Variants in PTPN6 observed in about 807,000 individuals in gnomAD.
PTPN6 encodes the protein tyrosine-protein phosphatase non-receptor type 6.
Under a neutral mutation model 81.5 loss-of-function variants are expected in PTPN6, and 18 were observed. The ratio of observed to expected loss-of-function variants is 0.22; its 90% CI spans 0.15 to 0.33. The LOEUF is 0.33. Among genes scored for constraint, PTPN6 ranks in the 10% least tolerant of loss-of-function variants. The pLI, the probability that PTPN6 is intolerant of heterozygous loss-of-function variation, is 1.00. For missense variants in PTPN6, 500 were observed against 794.2 expected, an observed-to-expected ratio of 0.63 and a Z score of 4.45; for synonymous variants, 301 against 310.9, an observed-to-expected ratio of 0.97 and a Z score of 0.33.
At chr12:6,961,021 G>T in intron 15 of PTPN6, 76 bp downstream of exon 15, 1 of 1,541,764 alleles carries the variant, frequency 6.5e-7, no homozygotes, top group Non-Finnish European at 8.8e-7. Flanking sequence ...TGGGTGGATG[G>T]GGTGGCCGCA....
At position 6,952,097 on chromosome 12, in the gene PTPN6, G is replaced by A; in HGVS notation, c.246G>A (p.Gln82=). The A allele has an allele frequency of 1.2e-6, 2 of 1,614,166 alleles. No individual in the cohort carries two copies. The change falls in exon 3 of 16, where the codon CAG becomes CAA. Residue 82 remains glutamine (Q), a synonymous_variant. Transcript: ENST00000318974. The surrounding 1 kb of genome is among the most constrained non-coding windows in gnomAD (Gnocchi z 8.1). ...LTELVEYYTQ[Q]QGVLQDRDGT... ...AGCTGGTGGAGTACTACACTCAGCA[G>A]CAGGGTGTCCTGCAGGACCGCGACG...
chr12:6,960,283 A>G lies in PTPN6; in HGVS notation c.1581+44A>G. Reference sequence around the variant, plus strand: ...CTGGGGGGGGGGGGGGCTGCAGTGCAGGATGGGTGCCACCTGGCCCTGCTG... The same window carrying G: ...CTGGGGGGGGGGGGGGCTGCAGTGCGGGATGGGTGCCACCTGGCCCTGCTG... On this transcript the variant is annotated intron_variant, in intron 13 of 15. Transcript: ENST00000318974. The surrounding 1 kb of genome is among the most constrained non-coding windows in gnomAD (Gnocchi z 6.1). 1 of 1,606,022 alleles carries G rather than the reference A, an allele frequency of 6.2e-7. No homozygotes were observed.
upstream of PTPN6, chr12:6,951,260 T>C (rs1555147650): frequency 7.0e-7 from 1 of 1,438,738 alleles, no homozygotes; most frequent in African/African-American, 1.4e-5. The surrounding 1 kb of genome is among the most constrained non-coding windows in gnomAD (Gnocchi z 7.2). Flanking sequence ...CTGCTTCTCT[T>C]CCCTTGCTGT....
upstream of PTPN6, among the ~76,000 whole-genome samples, chr12:6,949,331 C>A (rs1406210825): frequency 6.6e-6 from 1 of 152,204 alleles, no homozygotes; most frequent in East Asian, 1.9e-4. Context: ...CACCTCTTTG[C>A]CCTGACCCAT....
Position 6,955,268 on chromosome 12 carries a change from G to A in PTPN6, c.633+1G>A. ...AGGCGCCTTTGTCTACCTGCGGCAG[G>A]TCAGGGGTGGGCCCAGCTGCCTCCC... On this transcript the variant is annotated splice_donor_variant, in intron 5 of 15. Transcript: ENST00000318974. LOFTEE classifies it high-confidence loss of function. The surrounding 1 kb of genome is among the most constrained non-coding windows in gnomAD (Gnocchi z 7.2). The A allele has an allele frequency of 6.2e-7, 1 of 1,613,956 alleles. No individual in the cohort carries two copies. The highest frequency in any genetic ancestry group is 8.5e-7 in the Non-Finnish European group (1 of 1,179,810).
chr12:6,950,718 G>T (rs1202538267), upstream of PTPN6, among the ~76,000 whole-genome samples: 2 of 152,172 alleles, frequency 1.3e-5, no homozygotes, highest in African/African-American at 4.8e-5. Flanking sequence ...GGACAAGGAG[G>T]CTCTTAATCT....
Position 6,960,722 on chromosome 12 carries a change from G to A in PTPN6, c.1674-84G>A, listed in dbSNP as rs2138287186. ...TCACCTGTGAGACGGGGTGGCCAGA[G>A]GGGACTGCCAGTGCCGGGTCCCCCT... On this transcript the variant is annotated intron_variant, in intron 14 of 15. Transcript: ENST00000318974. This position sits in a 1 kb window ranked among gnomAD's most constrained non-coding sequence, Gnocchi z 6.1. The A allele has an allele frequency of 6.4e-7, 1 of 1,551,606 alleles. No homozygotes were observed. The highest frequency in any genetic ancestry group is 8.7e-7 in the Non-Finnish European group (1 of 1,146,988).
chr12:6,957,739 C>G lies in PTPN6; in HGVS notation c.1160C>G (p.Thr387Arg). ...YSVTNCGEHDTTEYKLRTLQV... is the reference protein window; with the variant it reads ...YSVTNCGEHDRTEYKLRTLQV... ...GTGACCAACTGCGGGGAGCATGACA[C>G]AACCGAATACAAACTCCGTACCTTA... Residue 387 changes from threonine (T) to arginine (R), a missense_variant, in exon 10 of 16, where the codon ACA becomes AGA. Physicochemically the swap from Thr to Arg is moderately conservative, Grantham distance 71. Transcript: ENST00000318974. The surrounding 1 kb of genome is among the most constrained non-coding windows in gnomAD (Gnocchi z 6.5). The G allele has an allele frequency of 2.5e-6, 4 of 1,614,160 alleles. No individual in the cohort carries two copies. Among genetic ancestry groups the G allele is most frequent in the Non-Finnish European group, 3.4e-6 (4 of 1,180,018 alleles).
chr12:6,955,842 G>A lies in PTPN6; in HGVS notation c.844+86G>A, dbSNP rs957604310. On this transcript the variant is annotated intron_variant, in intron 7 of 15. Transcript: ENST00000318974. This position sits in a 1 kb window ranked among gnomAD's most constrained non-coding sequence, Gnocchi z 7.2. ...CATCTCACAGGTCTCCACCCTCCACGCCAGGAGGGGCCATCTCCCCACACC... is the reference window on the plus strand; with the variant it reads ...CATCTCACAGGTCTCCACCCTCCACACCAGGAGGGGCCATCTCCCCACACC... The A allele has an allele frequency of 1.7e-5, 21 of 1,240,814 alleles. No homozygotes were observed. In the East Asian group the frequency reaches 3.5e-4, roughly 21 times the overall value. 76.9% of individuals were successfully genotyped at this position (1,240,814 alleles called of 1,614,324 possible).
Position 6,960,213 on chromosome 12 carries a change from A to G in PTPN6, c.1555A>G (p.Thr519Ala). ...YVAIAQFIET[T>A]KKKLEVLQSQ... ...GGCCATCGCCCAGTTCATTGAAACC[A>G]CTAAGAAGAAGCTGGAGGTCCTGCA... The change falls in exon 13 of 16, where the codon ACT becomes GCT. Residue 519 changes from threonine (T) to alanine (A), a missense_variant. Transcript: ENST00000318974. This position sits in a 1 kb window ranked among gnomAD's most constrained non-coding sequence, Gnocchi z 6.1. The G allele has an allele frequency of 6.3e-7, 1 of 1,594,116 alleles. No individual in the cohort carries two copies. The highest frequency in any genetic ancestry group is 8.5e-7 in the Non-Finnish European group (1 of 1,170,860).
In PTPN6 at chr12:6,954,796, C is replaced by A; in HGVS notation, c.327-9C>A. ...TGGGTCTTACCTTCCCTGACGCTGC[C>A]TTCTCTAGGTGGTACCATGGCCACA... is the stretch of plus-strand genomic sequence containing the variant. On this transcript the variant is annotated splice_polypyrimidine_tract_variant and intron_variant, in intron 3 of 15. Coordinates refer to ENST00000318974, the MANE Select transcript of PTPN6 (RefSeq NM_002831.6). This position sits in a 1 kb window ranked among gnomAD's most constrained non-coding sequence, Gnocchi z 5.4. The A allele has an allele frequency of 6.2e-7, 1 of 1,613,342 alleles. No homozygotes were observed. The highest frequency in any genetic ancestry group is 1.1e-5 in the South Asian group (1 of 91,058).
upstream of PTPN6, chr12:6,951,353 G>A: frequency 6.5e-7 from 1 of 1,536,164 alleles, no homozygotes; most frequent in South Asian, 1.2e-5. The surrounding 1 kb of genome is among the most constrained non-coding windows in gnomAD (Gnocchi z 7.2). Context: ...GCTGCCCCAG[G>A]CCAGTGGAGT....
upstream of PTPN6, among the ~76,000 whole-genome samples, chr12:6,948,024 G>A (rs752774729): frequency 2.6e-5 from 4 of 152,048 alleles, no homozygotes; most frequent in South Asian, 4.2e-4. Context: ...GGTGGCGCAC[G>A]TCTGTGATCC....
In PTPN6 at chr12:6,951,620, G is replaced by A. The variant is rs769682837; in HGVS notation, c.20G>A (p.Arg7Gln). Residue 7 changes from arginine (R) to glutamine (Q), a missense_variant, in exon 2 of 16, where the codon CGA becomes CAA. Physicochemically the swap from Arg to Gln is conservative, Grantham distance 43. Transcript: ENST00000318974. This position sits in a 1 kb window ranked among gnomAD's most constrained non-coding sequence, Gnocchi z 7.2. The part of the protein sequence containing the change: MVRWFH[R>Q]DLSGLDAETL... ...CCTGGGCCGCCCAGGTGGTTTCACC[G>A]AGACCTCAGTGGGCTGGATGCAGAG... 4 of 1,613,832 alleles carry A rather than the reference G, an allele frequency of 2.5e-6. No homozygotes were observed. Among genetic ancestry groups the A allele is most frequent in the Non-Finnish European group, 3.4e-6 (4 of 1,179,958 alleles).
Position 6,954,048 on chromosome 12 carries a change from T to A in PTPN6, c.327-757T>A, listed in dbSNP as rs1248795142. 1.3e-5 allele frequency among the ~76,000 whole-genome samples: 2 copies of A among 152,210 alleles called. No individual in the cohort carries two copies. Among genetic ancestry groups the A allele is most frequent in the African/African-American group, 4.8e-5 (2 of 41,452 alleles). On this transcript the variant is annotated intron_variant, in intron 3 of 15. Coordinates refer to ENST00000318974, the MANE Select transcript of PTPN6 (RefSeq NM_002831.6). This position sits in a 1 kb window ranked among gnomAD's most constrained non-coding sequence, Gnocchi z 5.4. ...GCTTTGTGGGGCTACAGTTTCCTCC[T>A]GGGAAAGGGGTGTGCTTCGGGGAAA...
chr12:6,955,577 C>G lies in PTPN6; in HGVS notation c.748-83C>G. 6.4e-7 allele frequency: 1 copy of G among 1,562,498 alleles called. No individual in the cohort carries two copies. The highest frequency in any genetic ancestry group is 1.1e-5 in the South Asian group (1 of 90,042). On this transcript the variant is annotated intron_variant, in intron 6 of 15. Coordinates refer to ENST00000318974, the MANE Select transcript of PTPN6 (RefSeq NM_002831.6). This position sits in a 1 kb window ranked among gnomAD's most constrained non-coding sequence, Gnocchi z 7.2. ...GACACCTTCCCCTCCTTGCCCACCTCTGCTCCTGACCCACCCCACGTGAGC... is the reference window on the plus strand; with the variant it reads ...GACACCTTCCCCTCCTTGCCCACCTGTGCTCCTGACCCACCCCACGTGAGC...
At position 6,959,276 on chromosome 12, in the gene PTPN6, G is replaced by T. The variant is rs1946086235; in HGVS notation, c.1362-651G>T. ...TTTATTTAGACGTTACAGGAAGGAA[G>T]TGGGTGTGGGGGGTTATTTTTGACA... On this transcript the variant is annotated intron_variant, in intron 11 of 15. Coordinates refer to ENST00000318974, the MANE Select transcript of PTPN6 (RefSeq NM_002831.6). The surrounding 1 kb of genome is among the most constrained non-coding windows in gnomAD (Gnocchi z 6.6). 6.3e-6 allele frequency: 1 copy of T among 159,914 alleles called. No homozygotes were observed. The allele number at this position is 159,914 out of a possible 1,614,324, so 9.9% of individuals were successfully genotyped here. A position where few individuals can be genotyped will look rare whatever the true frequency, so the allele number is the denominator to read the frequency against.
Position 6,952,331 on chromosome 12 carries a change from T to C in PTPN6, c.326+154T>C. 1 of 862,754 alleles carries C rather than the reference T, an allele frequency of 1.2e-6. No individual in the cohort carries two copies. Among genetic ancestry groups the C allele is most frequent in the South Asian group, 1.5e-5 (1 of 66,152 alleles). 53.4% of individuals were successfully genotyped at this position (862,754 alleles called of 1,614,324 possible). On this transcript the variant is annotated intron_variant, in intron 3 of 15. Transcript: ENST00000318974. The surrounding 1 kb of genome is among the most constrained non-coding windows in gnomAD (Gnocchi z 8.1). ...TGGGGCTCTCAATGTCCCTCCTCCC[T>C]GCTGTCCTGGGACCTGGTGTCTCAG...
rs782130684 is a variant in PTPN6, at chr12:6,955,447, G to C, written c.709G>C (p.Glu237Gln). 5.0e-6 allele frequency: 8 copies of C among 1,613,988 alleles called. No homozygotes were observed. The African/African-American group carries it at 9.3e-5, about 19-fold the overall frequency. Residue 237 changes from glutamate (E) to glutamine (Q), a missense_variant, in exon 6 of 16, where the codon GAG becomes CAG. Coordinates refer to ENST00000318974, the MANE Select transcript of PTPN6 (RefSeq NM_002831.6). The surrounding 1 kb of genome is among the most constrained non-coding windows in gnomAD (Gnocchi z 7.2). Reference protein sequence around the residue: ...VLELNKKQESEDTAKAGFWEE... With the variant: ...VLELNKKQESQDTAKAGFWEE... The stretch of plus-strand genomic sequence containing the variant: ...GGAACTGAACAAGAAGCAGGAGTCC[G>C]AGGATACAGCCAAGGCTGGCTTCTG...
Sources: allele counts gnomAD v4.1 joint callset (sites outside exome capture counted in the v4.1 genomes callset), GRCh38; gene constraint gnomAD v4.1.1; non-coding constraint Gnocchi (gnomAD v3.1); transcripts MANE v1.5; gene names NCBI Gene and HGNC (gene_info 2026-07-23, HGNC 2026-07-21).